The following EVC2 variants were observed in gnomAD, a reference collection of about 807,000 sequenced individuals.
The protein encoded by EVC2 is limbin.
EVC2 carries 148 observed loss-of-function variants against 149.3 expected under a neutral mutation model. The ratio of observed to expected loss-of-function variants is 0.99; its 90% CI spans 0.87 to 1.14. EVC2 has a LOEUF of 1.14. Ranked by LOEUF, EVC2 falls within the 50% of genes most tolerant of loss-of-function variation. The pLI, the probability that EVC2 is intolerant of heterozygous loss-of-function variation, is 0.00. For synonymous variants in EVC2, 776 were observed against 649.9 expected, an observed-to-expected ratio of 1.19 and a Z score of -2.95; for missense variants, 1,854 against 1,627.3, an observed-to-expected ratio of 1.14 and a Z score of -2.40.
intron 7 of EVC2, among the ~76,000 whole-genome samples, chr4:5,676,133 G>T (rs1719975290): frequency 6.6e-6 from 1 of 152,146 alleles, no homozygotes; most frequent in South Asian, 2.1e-4. Context: ...CACAGAAGGG[G>T]ATATCTAGTG....
chr4:5,564,906 T>G (rs1227051821), intron 21 of EVC2, among the ~76,000 whole-genome samples: 1 of 152,228 alleles, frequency 6.6e-6, no homozygotes, highest in Non-Finnish European at 1.5e-5. Context: ...GCTTCCATTT[T>G]ATCATCCCCA....
At chr4:5,706,445 G>GATAGATACATAC (rs1722194190) in intron 1 of EVC2, among the ~76,000 whole-genome samples, 25 of 25,764 alleles carry the variant, frequency 9.7e-4, no homozygotes, top group African/African-American at 2.5e-3. Flanking sequence ...TAGATAGATA[G>GATAGATACATAC]ATACATACAT....
chr4:5,547,413 A>G lies in EVC2; in HGVS notation c.3420-4201T>C, dbSNP rs532520623. Among the ~76,000 whole-genome samples the G allele has an allele frequency of 3.3e-5, 5 of 152,302 alleles. No individual in the cohort carries two copies. In the East Asian group the frequency reaches 9.7e-4, roughly 29 times the overall value. ...GAAGGGGGCAGATCCCCAGTGAGGC[A>G]CCACCTTCAGGCCCTCCTTCAGGGA... On this transcript the variant is annotated intron_variant and NMD_transcript_variant, in intron 21 of 22. Coordinates refer to the EVC2 transcript ENST00000475313.
At position 5,708,434 on chromosome 4, in the gene EVC2, C is replaced by A; in HGVS notation, c.80G>T (p.Gly27Val). The A allele has an allele frequency of 1.3e-6, 2 of 1,503,650 alleles. No individual in the cohort carries two copies. Among genetic ancestry groups the A allele is most frequent in the East Asian group, 2.7e-5 (1 of 36,772 alleles). 93.1% of individuals were successfully genotyped at this position (1,503,650 alleles called of 1,614,324 possible). Reference protein sequence around the residue: ...GLLAVALALGGRGCLGASSRP... With the variant: ...GLLAVALALGVRGCLGASSRP... ...TGAGCTGGCGCCGAGACAGCCTCGG[C>A]CCCCCAGCGCCAGGGCCACTGCCAG... The change falls in exon 1 of 22, where the codon GGC becomes GTC. Residue 27 changes from glycine to valine, a missense_variant. Transcript: ENST00000344408.
At chr4:5,653,941 T>C (rs1194695674) in intron 9 of EVC2, among the ~76,000 whole-genome samples, 1 of 152,172 alleles carries the variant, frequency 6.6e-6, no homozygotes, top group Non-Finnish European at 1.5e-5. Flanking sequence ...AGGCCGGGCA[T>C]GGTGGTTCAT....
intron 17 of EVC2, among the ~76,000 whole-genome samples, chr4:5,582,770 G>A (rs1711916839): frequency 6.6e-6 from 1 of 152,140 alleles, no homozygotes; most frequent in African/African-American, 2.4e-5. Flanking sequence ...CTGGATCACG[G>A]GGGTCCTTCA....
At chr4:5,655,651 T>A (rs1718471619) in intron 9 of EVC2, among the ~76,000 whole-genome samples, 1 of 151,236 alleles carries the variant, frequency 6.6e-6, no homozygotes, top group African/African-American at 2.4e-5. Context: ...AACTCGCGCA[T>A]CACAGACTGT....
chr4:5,664,595 T>C lies in EVC2; in HGVS notation c.1005+920A>G, dbSNP rs1467508731. On this transcript the variant is annotated intron_variant, in intron 8 of 21. Transcript: ENST00000344408. ...TTTGCCCGCCAAGGAGACTGTGGGC[T>C]GACCTCATTTTGAAATGACAATCCT... 2.6e-5 allele frequency among the ~76,000 whole-genome samples: 4 copies of C among 152,194 alleles called. No individual in the cohort carries two copies. The East Asian group carries it at 7.7e-4, about 29-fold the overall frequency.
In EVC2 at chr4:5,625,342, ACACAC is replaced by A. The variant is rs1716028502; in HGVS notation, c.2046+402_2046+406del. On this transcript the variant is annotated intron_variant, in intron 13 of 21. Coordinates refer to ENST00000344408, the MANE Select transcript of EVC2 (RefSeq NM_147127.5). The surrounding 1 kb of genome is among the most constrained non-coding windows in gnomAD (Gnocchi z 4.0). ...CACACACACACACACACACACACAC[ACACAC>A]AAACCCAGTGGTATCTCCCTCATAG... Among the ~76,000 whole-genome samples the A allele has an allele frequency of 6.7e-6, 1 of 149,878 alleles. No homozygotes were observed. The highest frequency in any genetic ancestry group is 2.5e-5 in the African/African-American group (1 of 39,440).
intron 9 of EVC2, among the ~76,000 whole-genome samples, chr4:5,654,473 A>G (rs975754138): frequency 1.3e-5 from 2 of 152,206 alleles, no homozygotes; most frequent in African/African-American, 4.8e-5. Context: ...GTTTCAACCT[A>G]GCAGTCAGCT....
intron 21 of EVC2, among the ~76,000 whole-genome samples, chr4:5,547,023 C>G (rs1721635066): frequency 6.6e-6 from 1 of 152,214 alleles, no homozygotes; most frequent in African/African-American, 2.4e-5. Context: ...CTACAGCCTC[C>G]CAAACCACAG....
chr4:5,575,044 G>T (rs914064505), intron 18 of EVC2, among the ~76,000 whole-genome samples: 1 of 152,146 alleles, frequency 6.6e-6, no homozygotes, highest in Non-Finnish European at 1.5e-5. Context: ...GGCTTTACAG[G>T]GTGATCTCTG....
chr4:5,661,500 T>C (rs1007383893), intron 9 of EVC2, among the ~76,000 whole-genome samples: 3 of 152,184 alleles, frequency 2.0e-5, no homozygotes, highest in Non-Finnish European at 4.4e-5. Flanking sequence ...GTACTCTAGA[T>C]AACAGACACA....
chr4:5,615,684 G>A (rs946414388), intron 15 of EVC2, 140 bp from the exon 16 acceptor site: 3 of 1,226,908 alleles, frequency 2.4e-6, no homozygotes, highest in Non-Finnish European at 3.6e-6. Flanking sequence ...AGAGAGGGGA[G>A]GAGAGAGGTA....
chr4:5,609,348 A>G (rs1293466073), intron 16 of EVC2, among the ~76,000 whole-genome samples: 1 of 152,216 alleles, frequency 6.6e-6, no homozygotes, highest in East Asian at 1.9e-4. Context: ...ATTATCCTGC[A>G]AATAAAACAT....
chr4:5,674,890 A>T (rs1205364707), intron 7 of EVC2, among the ~76,000 whole-genome samples: 1 of 152,208 alleles, frequency 6.6e-6, no homozygotes, highest in East Asian at 1.9e-4. Flanking sequence ...TAATGAAAAC[A>T]AGAAATGCAG....
rs949928569 is a variant in EVC2 at position 5,640,311 on chromosome 4, G to A, written c.1470+203C>T. 6.6e-6 allele frequency among the ~76,000 whole-genome samples: 1 copy of A among 151,996 alleles called. No individual in the cohort carries two copies. Among genetic ancestry groups the A allele is most frequent in the Admixed American group, 6.6e-5 (1 of 15,252 alleles). Reference sequence around the variant, plus strand: ...GATGAGTGGGTGAATGGGTAGATGGGTGGATGGACAGATGATGATGGATGG... The same window carrying A: ...GATGAGTGGGTGAATGGGTAGATGGATGGATGGACAGATGATGATGGATGG... On this transcript the variant is annotated intron_variant, in intron 10 of 21. Coordinates refer to ENST00000344408, the MANE Select transcript of EVC2 (RefSeq NM_147127.5). This position sits in a 1 kb window ranked among gnomAD's most constrained non-coding sequence, Gnocchi z 4.6.
At chr4:5,684,573 C>G in intron 6 of EVC2, among the ~76,000 whole-genome samples, 1 of 65,550 alleles carries the variant, frequency 1.5e-5, no homozygotes, top group East Asian at 5.7e-4. Flanking sequence ...CCAGCCTGTA[C>G]CCGGGGTGTG....
intron 19 of EVC2, among the ~76,000 whole-genome samples, chr4:5,574,211 C>T (rs929996684): frequency 3.3e-5 from 5 of 152,326 alleles, no homozygotes; most frequent in South Asian, 4.1e-4. Flanking sequence ...CATAAGGCTC[C>T]GTGCACAGCC....
Sources: allele counts gnomAD v4.1 joint callset (sites outside exome capture counted in the v4.1 genomes callset), GRCh38; gene constraint gnomAD v4.1.1; non-coding constraint Gnocchi (gnomAD v3.1); transcripts MANE v1.5; gene names NCBI Gene and HGNC (gene_info 2026-07-23, HGNC 2026-07-21).